The following PXDN variants were observed in gnomAD, a reference collection of about 807,000 sequenced individuals.
The protein encoded by PXDN is peroxidasin.
In PXDN, 77 loss-of-function variants were observed where a neutral mutation model predicts 140.3. That is an observed-to-expected ratio of 0.55 (90% CI 0.46 to 0.66). PXDN has a LOEUF of 0.66. Among genes scored for constraint, PXDN ranks in the 30% least tolerant of loss-of-function variants. The probability of loss-of-function intolerance (pLI) is 0.00; values close to 1 mark genes in which losing one functional copy is unlikely to be tolerated. For missense variants in PXDN, 1,838 were observed against 2,039.5 expected (o/e 0.90, Z 1.90); for synonymous variants, 911 against 857.4 (o/e 1.06, Z -1.09).
chr2:1,649,517 T>C lies in PXDN; in HGVS notation c.2263A>G (p.Met755Val), dbSNP rs1022797123. 1.9e-6 allele frequency: 3 copies of C among 1,613,832 alleles called. No individual in the cohort carries two copies. Among genetic ancestry groups the C allele is most frequent in the Non-Finnish European group, 2.5e-6 (3 of 1,179,868 alleles). ...AAGGCGGTCAGCGAGGCGCCCCACA[T>C]GGGGTGCTGCAGGTTGTTACAGGTG... ...DGTCNNLQHP[M>V]WGASLTAFER... The change falls in exon 17 of 23, where the codon ATG (methionine) becomes GTG (valine). Residue 755 changes from methionine to valine, a missense_variant. By Grantham distance (21) the Met-to-Val change is conservative (BLOSUM62 1). This residue lies in a region of PXDN where 537 missense variants were observed against 583.9 expected (regional missense o/e 0.92). Coordinates refer to ENST00000252804, the MANE Select transcript of PXDN (RefSeq NM_012293.3). The surrounding 1 kb of genome is among the most constrained non-coding windows in gnomAD (Gnocchi z 7.1).
chr2:1,672,603 A>C (rs1683602460), intron 9 of PXDN, among the ~76,000 whole-genome samples: 1 of 152,220 alleles, frequency 6.6e-6, no homozygotes, highest in Admixed American at 6.5e-5. Flanking sequence ...GCTTTGATTC[A>C]GCAGTACTAT....
intron 10 of PXDN, among the ~76,000 whole-genome samples, chr2:1,665,630 T>C (rs1218874904): frequency 6.6e-6 from 1 of 152,260 alleles, no homozygotes; most frequent in African/African-American, 2.4e-5. Flanking sequence ...AGGAAAGGGC[T>C]GAAGAGAGGC....
rs1572211759 is a variant in PXDN at position 1,744,181 on chromosome 2, T to G, written c.200+75A>C. 6 of 683,110 alleles carry G rather than the reference T, an allele frequency of 8.8e-6. No individual in the cohort carries two copies. The East Asian group carries it at 2.4e-4, about 27-fold the overall frequency. The allele number at this position is 683,110 out of a possible 1,614,324, so 42.3% of individuals were successfully genotyped here. On this transcript the variant is annotated intron_variant, in intron 1 of 22. Transcript: ENST00000252804. ...CCCTCCACCCTCCGCGCCCCCCACC[T>G]CCGATCACCCCTGCGCTCCCGGATC...
chr2:1,705,113 G>T (rs1029266153), intron 1 of PXDN, among the ~76,000 whole-genome samples: 1 of 104,294 alleles, frequency 9.6e-6, no homozygotes, highest in Non-Finnish European at 2.0e-5. Context: ...CGTGAGAGCC[G>T]TGAGAGCAGA....
Position 1,638,951 on chromosome 2 carries a change from G to T in PXDN, c.4101C>A (p.Ser1367Arg). 6.2e-7 allele frequency: 1 copy of T among 1,613,996 alleles called. No individual in the cohort carries two copies. The highest frequency in any genetic ancestry group is 2.2e-5 in the East Asian group (1 of 44,882). ...PSVGRQGEHL[S>R]NSTSAFSTRS... The stretch of plus-strand genomic sequence containing the variant: ...GTGTGCTGAAGGCTGAGGTGCTGTT[G>T]CTGAGATGTTCCCCCTGTCTCCCAA... Residue 1367 changes from serine (S) to arginine (R), a missense_variant, in exon 21 of 23, where the codon AGC becomes AGA. Ser to Arg is a moderately radical substitution (Grantham distance 110). Transcript: ENST00000252804.
At chr2:1,641,735 C>T (rs190490153) in intron 19 of PXDN, among the ~76,000 whole-genome samples, 6 of 152,282 alleles carry the variant, frequency 3.9e-5, no homozygotes, top group Middle Eastern at 3.4e-3. Flanking sequence ...TTGTAACATG[C>T]GGGGAACAAA....
At chr2:1,683,207 C>A (rs1208730245) in intron 6 of PXDN, among the ~76,000 whole-genome samples, 4 of 150,486 alleles carry the variant, frequency 2.7e-5, no homozygotes, top group African/African-American at 9.8e-5. Context: ...CATGGCAAAA[C>A]CCTGTCACAA....
chr2:1,666,120 T>C, intron 10 of PXDN, 94 bp downstream of exon 10: 2 of 1,496,352 alleles, frequency 1.3e-6, no homozygotes, highest in African/African-American at 2.7e-5. Context: ...GGGCAGAAGA[T>C]TCTATGGAGC....
At chr2:1,691,043 C>T (rs748361203) in intron 3 of PXDN, among the ~76,000 whole-genome samples, 210 of 152,104 alleles carry the variant, frequency 1.4e-3, no homozygotes, top group Non-Finnish European at 2.5e-3. Flanking sequence ...CACCATGGCA[C>T]GTGTACCCCT....
At chr2:1,710,326 A>G (rs186567958) in intron 1 of PXDN, among the ~76,000 whole-genome samples, 182 of 152,288 alleles carry the variant, frequency 1.2e-3, no homozygotes, top group Non-Finnish European at 2.3e-3. Context: ...ACCGTAGCAC[A>G]TGGATCTACA....
At position 1,664,939 on chromosome 2, in the gene PXDN, G is replaced by C; in HGVS notation, c.1408+19C>G. 1 of 1,560,528 alleles carries C rather than the reference G, an allele frequency of 6.4e-7. No homozygotes were observed. The highest frequency in any genetic ancestry group is 8.8e-7 in the Non-Finnish European group (1 of 1,137,014). On this transcript the variant is annotated intron_variant, in intron 11 of 22. Coordinates refer to ENST00000252804, the MANE Select transcript of PXDN (RefSeq NM_012293.3). ...TGTGGCCGCGGAGGGAGCAGGCAAA[G>C]GGCCGGCCTGGGTCTTACCTCCCTT...
chr2:1,741,536 C>T (rs1198600426), intron 1 of PXDN, among the ~76,000 whole-genome samples: 1 of 152,108 alleles, frequency 6.6e-6, no homozygotes, highest in African/African-American at 2.4e-5. Flanking sequence ...TTTTCCAAAG[C>T]CCCCAAGCCA....
intron 1 of PXDN, among the ~76,000 whole-genome samples, chr2:1,720,724 T>TCACACA (rs1221326586): frequency 4.3e-4 from 12 of 28,170 alleles, no homozygotes; most frequent in East Asian, 4.2e-3. Context: ...TCTCTCTCTC[T>TCACACA]CACACACACA....
chr2:1,715,782 G>T (rs1368853885), intron 1 of PXDN, among the ~76,000 whole-genome samples: 2 of 152,198 alleles, frequency 1.3e-5, no homozygotes, highest in African/African-American at 4.8e-5. Flanking sequence ...TCCCTGCCCA[G>T]CCCAACCTCT....
chr2:1,634,448 C>T, intron 22 of PXDN, 125 bp from the exon 23 acceptor site: 15 of 1,252,056 alleles, frequency 1.2e-5, no homozygotes, highest in Non-Finnish European at 1.6e-5. Flanking sequence ...AGGCCCCTGC[C>T]TTGCCCGCTG....
intron 14 of PXDN, among the ~76,000 whole-genome samples, chr2:1,654,842 CAAGAT>C (rs1683093417): frequency 1.3e-5 from 2 of 152,142 alleles, no homozygotes; most frequent in South Asian, 4.1e-4. Flanking sequence ...GCCCAGCAGA[CAAGAT>C]GTCTGTGGAG....
chr2:1,689,455 A>G (rs1684137606), intron 3 of PXDN, among the ~76,000 whole-genome samples: 1 of 152,230 alleles, frequency 6.6e-6, no homozygotes, highest in Non-Finnish European at 1.5e-5. Context: ...GTGTGTTTAT[A>G]AAGACATTGG....
At chr2:1,707,779 C>T (rs1354636372) in intron 1 of PXDN, among the ~76,000 whole-genome samples, 2 of 151,868 alleles carry the variant, frequency 1.3e-5, no homozygotes, top group African/African-American at 2.4e-5. Flanking sequence ...ACCAAGGTGC[C>T]GAAAGCGACG....
At chr2:1,678,645 G>C (rs1333176135) in intron 7 of PXDN, among the ~76,000 whole-genome samples, 1 of 152,212 alleles carries the variant, frequency 6.6e-6, no homozygotes, top group Non-Finnish European at 1.5e-5. Context: ...GGCCTCGGCT[G>C]ATTCACAGGT....
Sources: allele counts gnomAD v4.1 joint callset (sites outside exome capture counted in the v4.1 genomes callset), GRCh38; gene constraint gnomAD v4.1.1; regional missense constraint gnomAD v4.1.1; non-coding constraint Gnocchi (gnomAD v3.1); transcripts MANE v1.5; gene names NCBI Gene and HGNC (gene_info 2026-07-23, HGNC 2026-07-21).